Variants in FRMPD4 observed in about 807,000 individuals in gnomAD.
The protein encoded by FRMPD4 is FERM and PDZ domain containing 4, also known as FERM and PDZ domain-containing protein 4.
In FRMPD4, 22 loss-of-function variants were observed where a neutral mutation model predicts 94.1. The ratio of observed to expected loss-of-function variants is 0.23; its 90% CI spans 0.17 to 0.33. The LOEUF is 0.33. FRMPD4 is among the 10% of genes least tolerant of loss of function. FRMPD4 has a pLI of 1.00. For synonymous variants in FRMPD4, 631 were observed against 548.6 expected (o/e 1.15, Z -2.10); for missense variants, 1,111 against 1,339.9 (o/e 0.83, Z 2.67).
At chrX:11,861,028 TAAAG>T (rs1468355282) in intron 1 of FRMPD4, among the ~76,000 whole-genome samples, 1 of 112,354 alleles carries the variant, frequency 8.9e-6, no homozygotes, top group East Asian at 2.8e-4. Flanking sequence ...AAAATTTAAA[TAAAG>T]AAGTTAGTCT....
chrX:12,281,910 A>G (rs894909440), intron 1 of FRMPD4, among the ~76,000 whole-genome samples: 5 of 111,423 alleles, frequency 4.5e-5, no homozygotes, highest in African/African-American at 1.6e-4. Context: ...TAGAACTAAG[A>G]TTTGAATCTA....
chrX:12,493,480 T>C (rs2057812842), intron 1 of FRMPD4, among the ~76,000 whole-genome samples: 1 of 112,014 alleles, frequency 8.9e-6, no homozygotes, highest in Admixed American at 9.5e-5. Context: ...TTCCCATATC[T>C]GAAATGAAGA....
At position 12,654,053 on chromosome X, in the gene FRMPD4, G is replaced by T. The variant is rs780846196; in HGVS notation, c.423-20810G>T. ...CCCAAAGTGCTGGCATTACAGGCGT[G>T]AGCCACCGTGCCCAGCCAAAAACCA... On this transcript the variant is annotated intron_variant, in intron 4 of 16. Transcript: ENST00000675598. Among the ~76,000 whole-genome samples, 6 of 112,171 alleles carry T rather than the reference G, an allele frequency of 5.3e-5. No individual in the cohort carries two copies. In the East Asian group the frequency reaches 1.7e-3, roughly 31 times the overall value.
chrX:12,453,907 C>T (rs1264059532), intron 1 of FRMPD4, among the ~76,000 whole-genome samples: 6 of 112,100 alleles, frequency 5.4e-5, no homozygotes, highest in South Asian at 7.4e-4. Flanking sequence ...ACATACCAAA[C>T]CAAAAGGTTG....
intron 3 of FRMPD4, among the ~76,000 whole-genome samples, chrX:12,005,877 T>A (rs1394920616): frequency 9.0e-6 from 1 of 110,919 alleles, no homozygotes; most frequent in Non-Finnish European, 1.9e-5. Context: ...CCTCCCAGGC[T>A]GCCACATTCA....
At chrX:11,858,231 T>C (rs747008914) in intron 1 of FRMPD4, among the ~76,000 whole-genome samples, 34 of 111,762 alleles carry the variant, frequency 3.0e-4, no homozygotes, top group African/African-American at 1.1e-3. Flanking sequence ...TAAATTATTC[T>C]ATTATAAAGA....
intron 3 of FRMPD4, among the ~76,000 whole-genome samples, chrX:11,882,964 G>A (rs1013842626): frequency 9.0e-6 from 1 of 111,613 alleles, no homozygotes; most frequent in Non-Finnish European, 1.9e-5. Flanking sequence ...GGAAGACTGT[G>A]TCTCCTGGGG....
chrX:12,429,993 G>A (rs1017074130), intron 1 of FRMPD4, among the ~76,000 whole-genome samples: 2 of 112,068 alleles, frequency 1.8e-5, no homozygotes, highest in African/African-American at 6.5e-5. Context: ...CAACTTGCCA[G>A]GGCCTTTATC....
At chrX:11,923,777 A>C (rs763078960) in intron 3 of FRMPD4, among the ~76,000 whole-genome samples, 1 of 112,461 alleles carries the variant, frequency 8.9e-6, no homozygotes, top group African/African-American at 3.2e-5. Flanking sequence ...AAACCATCCA[A>C]AGGTCGGCAA....
intron 1 of FRMPD4, among the ~76,000 whole-genome samples, chrX:12,393,424 A>G (rs1335533328): frequency 8.9e-6 from 1 of 112,203 alleles, no homozygotes; most frequent in Non-Finnish European, 1.9e-5. Flanking sequence ...TTTTTAAAAG[A>G]TGATACATTA....
chrX:12,683,569 C>G lies in FRMPD4; in HGVS notation c.555C>G (p.Ile185Met). Reference protein sequence around the residue: ...PVKVRFSEEVIINGQVSETVK... With the variant: ...PVKVRFSEEVMINGQVSETVK... Reference sequence around the variant, plus strand: ...AAGTACGCTTCTCTGAGGAGGTCATCATCAACGGCCAAGTGTCGGTGAGTT... The same window carrying G: ...AAGTACGCTTCTCTGAGGAGGTCATGATCAACGGCCAAGTGTCGGTGAGTT... Residue 185 changes from isoleucine to methionine, a missense_variant, in exon 6 of 17, where the codon ATC becomes ATG. Ile to Met is a conservative substitution (Grantham distance 10, BLOSUM62 1). Transcript: ENST00000675598. 1 of 1,142,068 alleles carries G rather than the reference C, an allele frequency of 8.8e-7. No homozygotes were observed. Among genetic ancestry groups the G allele is most frequent in the Non-Finnish European group, 1.2e-6 (1 of 833,826 alleles). 94.1% of individuals were successfully genotyped at this position (1,142,068 alleles called of 1,213,427 possible).
intron 3 of FRMPD4, among the ~76,000 whole-genome samples, chrX:11,935,269 G>GTTT (rs1234166611): frequency 0.042 from 208 of 4,988 alleles, 72 homozygotes; most frequent in African/African-American, 0.059. Flanking sequence ...TTTTTAATGT[G>GTTT]TTTTTTTTTT....
chrX:11,848,353 G>A (rs1466112075), intron 1 of FRMPD4, among the ~76,000 whole-genome samples: 2 of 111,335 alleles, frequency 1.8e-5, no homozygotes, highest in Non-Finnish European at 3.8e-5. Context: ...CTTTCTAAGT[G>A]TTACTCCTTT....
chrX:12,370,466 G>C lies in FRMPD4; in HGVS notation c.42-128214G>C, dbSNP rs776660086. 2.7e-5 allele frequency among the ~76,000 whole-genome samples: 3 copies of C among 112,267 alleles called. No homozygotes were observed. The South Asian group carries it at 1.1e-3, about 42-fold the overall frequency. The stretch of plus-strand genomic sequence containing the variant: ...TGTCAGGGAAATGCACTGTCCCTCT[G>C]TGCTTGGCCTTGACCATATGGAGGA... On this transcript the variant is annotated intron_variant, in intron 1 of 16. Coordinates refer to ENST00000675598, the MANE Select transcript of FRMPD4 (RefSeq NM_001368397.1).
chrX:12,250,830 AC>A (rs2054028830), intron 1 of FRMPD4, among the ~76,000 whole-genome samples: 1 of 110,270 alleles, frequency 9.1e-6, no homozygotes, highest in Non-Finnish European at 1.9e-5. Context: ...TGGCCAAGAG[AC>A]CCTTGACCTC....
At chrX:12,671,827 C>T (rs1016295722) in intron 4 of FRMPD4, among the ~76,000 whole-genome samples, 3 of 111,246 alleles carry the variant, frequency 2.7e-5, no homozygotes, top group Admixed American at 9.5e-5. Context: ...ATTCTTTCCC[C>T]GCATTGTCCA....
Position 12,690,179 on chromosome X carries a change from A to G in FRMPD4, c.682-16A>G. Reference sequence around the variant, plus strand: ...CTTCGATTTTGGTCTCATCATGTTCATGTTTCCTCTGTAAGGATGTCATCT... The same window carrying G: ...CTTCGATTTTGGTCTCATCATGTTCGTGTTTCCTCTGTAAGGATGTCATCT... On this transcript the variant is annotated splice_polypyrimidine_tract_variant and intron_variant, in intron 7 of 16. Coordinates refer to ENST00000675598, the MANE Select transcript of FRMPD4 (RefSeq NM_001368397.1). The G allele has an allele frequency of 8.4e-7, 1 of 1,196,657 alleles. No individual in the cohort carries two copies. The highest frequency in any genetic ancestry group is 1.1e-6 in the Non-Finnish European group (1 of 885,559).
chrX:12,639,983 T>C (rs1226152879), intron 4 of FRMPD4, among the ~76,000 whole-genome samples: 1 of 111,573 alleles, frequency 9.0e-6, no homozygotes, highest in Non-Finnish European at 1.9e-5. Context: ...AGAGGAACAC[T>C]TACACTTTTC....
chrX:12,206,721 T>C (rs1336960653), intron 1 of FRMPD4, among the ~76,000 whole-genome samples: 1 of 111,887 alleles, frequency 8.9e-6, no homozygotes, highest in East Asian at 2.8e-4. Context: ...AGCTGTGATA[T>C]CCTTACTATC....
Sources: allele counts gnomAD v4.1 joint callset (sites outside exome capture counted in the v4.1 genomes callset), GRCh38; gene constraint gnomAD v4.1.1; transcripts MANE v1.5; gene names NCBI Gene and HGNC (gene_info 2026-07-23, HGNC 2026-07-21).